NFE2L3: variants seen among roughly 807,000 people sequenced by gnomAD.
The protein encoded by NFE2L3 is NFE2 like bZIP transcription factor 3, also known as nuclear factor erythroid 2-related factor 3.
In NFE2L3, 18 loss-of-function variants were observed where a neutral mutation model predicts 23.5. That is an observed-to-expected ratio of 0.77 (90% CI 0.53 to 1.13). The LOEUF (loss-of-function observed/expected upper bound fraction) is 1.13, where lower values mean the gene tolerates loss of function less well. Ranked by LOEUF, NFE2L3 falls within the 50% of genes most tolerant of loss-of-function variation. The pLI, the probability that NFE2L3 is intolerant of heterozygous loss-of-function variation, is 0.00. For synonymous variants in NFE2L3, 424 were observed against 354.5 expected, an observed-to-expected ratio of 1.20 and a Z score of -2.20; for missense variants, 1,152 against 877.2, an observed-to-expected ratio of 1.31 and a Z score of -3.96.
At chr7:26,163,464 A>G (rs1051027689) in intron 1 of NFE2L3, among the ~76,000 whole-genome samples, 6 of 152,126 alleles carry the variant, frequency 3.9e-5, no homozygotes. Context: ...CTCCTGCCTC[A>G]GCCTCCCAAG....
Position 26,185,874 on chromosome 7 carries a change from T to C in NFE2L3, c.*91T>C, listed in dbSNP as rs539397554. ...GAAACCATTGAAACTGCTTCAAGAA[T>C]TGTATCTTTAAGTACTGCTACTTGA... On this transcript the variant is annotated 3_prime_UTR_variant, in exon 4 of 4. Coordinates refer to ENST00000056233, the MANE Select transcript of NFE2L3 (RefSeq NM_004289.7). The C allele has an allele frequency of 9.1e-7, 1 of 1,093,850 alleles. No individual in the cohort carries two copies. Among genetic ancestry groups the C allele is most frequent in the African/African-American group, 1.6e-5 (1 of 62,698 alleles). The allele number at this position is 1,093,850 out of a possible 1,614,324, so 67.8% of individuals were successfully genotyped here. A position where few individuals can be genotyped will look rare whatever the true frequency, so the allele number is the denominator to read the frequency against.
chr7:26,178,103 C>CCACTGAATCTAGAAA lies in NFE2L3; in HGVS notation c.732_746dup (p.Thr245_Asn249dup), dbSNP rs1784446548. On this transcript the variant is annotated inframe_insertion, in exon 2 of 4. Coordinates refer to ENST00000056233, the MANE Select transcript of NFE2L3 (RefSeq NM_004289.7). ...AAACCTGACTGGGAGGCAGAAAAGA[C>CCACTGAATCTAGAAA]CACTGAATCTAGAAATGAGGTAAGC... 6.2e-7 allele frequency: 1 copy of CCACTGAATCTAGAAA among 1,613,132 alleles called. No homozygotes were observed. The highest frequency in any genetic ancestry group is 8.5e-7 in the Non-Finnish European group (1 of 1,179,726).
chr7:26,182,711 G>C (rs996442642), intron 2 of NFE2L3, among the ~76,000 whole-genome samples: 3 of 151,794 alleles, frequency 2.0e-5, no homozygotes, highest in Non-Finnish European at 4.4e-5. Context: ...ACTAGAAAGA[G>C]GCTAAAGCAT....
Position 26,176,704 on chromosome 7 carries a change from A to G in NFE2L3, c.571-1239A>G, listed in dbSNP as rs1273230093. On this transcript the variant is annotated intron_variant, in intron 1 of 3. Transcript: ENST00000056233. Reference sequence around the variant, plus strand: ...TCCTCACTTCCCAGACGGGGTGGCCAGGCAGAGGCGCTCCTCACATCCCAG... The same window carrying G: ...TCCTCACTTCCCAGACGGGGTGGCCGGGCAGAGGCGCTCCTCACATCCCAG... Among the ~76,000 whole-genome samples, 195 of 35,416 alleles carry G rather than the reference A, an allele frequency of 5.5e-3. 9 individuals are homozygous for G. Among genetic ancestry groups the G allele is most frequent in the Middle Eastern group, 0.032 (2 of 62 alleles). 23.2% of individuals were successfully genotyped at this position (35,416 alleles called of 152,430 possible). A position where few individuals can be genotyped will look rare whatever the true frequency, so the allele number is the denominator to read the frequency against.
At chr7:26,171,781 A>G (rs1390269656) in intron 1 of NFE2L3, among the ~76,000 whole-genome samples, 1 of 152,066 alleles carries the variant, frequency 6.6e-6, no homozygotes, top group Non-Finnish European at 1.5e-5. Flanking sequence ...CTATAATCCC[A>G]GTGTTTTGGG....
At chr7:26,183,636 A>AAGCCTT in intron 2 of NFE2L3, 65 bp from the exon 3 acceptor site, 1 of 950,890 alleles carries the variant, frequency 1.1e-6, no homozygotes, top group South Asian at 1.4e-5. Flanking sequence ...TTTAAAGATA[A>AAGCCTT]AGCCTAAAGC....
In NFE2L3 at chr7:26,186,031, C is replaced by T; in HGVS notation, c.*248C>T. 1 of 340,014 alleles carries T rather than the reference C, an allele frequency of 2.9e-6. No individual in the cohort carries two copies. Among genetic ancestry groups the T allele is most frequent in the Middle Eastern group, 8.3e-4 (1 of 1,200 alleles). The allele number at this position is 340,014 out of a possible 1,614,324, so 21.1% of individuals were successfully genotyped here. A position where few individuals can be genotyped will look rare whatever the true frequency, so the allele number is the denominator to read the frequency against. On this transcript the variant is annotated 3_prime_UTR_variant, in exon 4 of 4. Coordinates refer to ENST00000056233, the MANE Select transcript of NFE2L3 (RefSeq NM_004289.7). Reference sequence around the variant, plus strand: ...TGTATACAAAATTCATAGTTATGTCCAAAGAATAGGTTAACATGAAAACCC... The same window carrying T: ...TGTATACAAAATTCATAGTTATGTCTAAAGAATAGGTTAACATGAAAACCC...
At chr7:26,159,276 C>A (rs1444660431) in intron 1 of NFE2L3, among the ~76,000 whole-genome samples, 4 of 152,182 alleles carry the variant, frequency 2.6e-5, no homozygotes, top group Admixed American at 2.6e-4. Context: ...TCTGTTCTTA[C>A]CTTTGCCCGG....
chr7:26,173,711 A>G (rs1784358541), intron 1 of NFE2L3: 1 of 152,224 alleles, frequency 6.6e-6, no homozygotes. Context: ...GATCTCTATC[A>G]AAGTCTTAGG....
chr7:26,165,017 T>C (rs1784227101), intron 1 of NFE2L3, among the ~76,000 whole-genome samples: 1 of 152,238 alleles, frequency 6.6e-6, no homozygotes, highest in Non-Finnish European at 1.5e-5. Flanking sequence ...TATCTCTGTT[T>C]TGGTACCAGT....
chr7:26,183,445 G>A (rs903064611), intron 2 of NFE2L3, among the ~76,000 whole-genome samples: 2 of 143,774 alleles, frequency 1.4e-5, no homozygotes, highest in African/African-American at 5.0e-5. Context: ...CTACTCCGGA[G>A]GCTAAGGCAG....
intron 2 of NFE2L3, among the ~76,000 whole-genome samples, chr7:26,182,958 C>CTAATT (rs1365629465): frequency 6.6e-6 from 1 of 152,088 alleles, no homozygotes; most frequent in African/African-American, 2.4e-5. Flanking sequence ...CCACACCCAG[C>CTAATT]TAATTTAATT....
At chr7:26,182,273 AAACATTAAACC>A (rs1784530174) in intron 2 of NFE2L3, among the ~76,000 whole-genome samples, 1 of 151,774 alleles carries the variant, frequency 6.6e-6, no homozygotes, top group Non-Finnish European at 1.5e-5. Context: ...TACTGAGGGA[AAACATTAAACC>A]TTATATTTTT....
At chr7:26,175,622 A>T (rs1441215845) in intron 1 of NFE2L3, among the ~76,000 whole-genome samples, 2 of 151,500 alleles carry the variant, frequency 1.3e-5, no homozygotes, top group African/African-American at 4.8e-5. Flanking sequence ...CTAAAAATAC[A>T]ACAAAAATTA....
rs567526937 is a variant in NFE2L3 at position 26,154,543 on chromosome 7, G to C, written c.570+1475G>C. On this transcript the variant is annotated intron_variant, in intron 1 of 3. Coordinates refer to ENST00000056233, the MANE Select transcript of NFE2L3 (RefSeq NM_004289.7). ...TGGGAGACAAAGTGGCCTTCCCTTG[G>C]CTGTTTTTTTGTTTGTTTTGTTTTA... 3.4e-4 allele frequency among the ~76,000 whole-genome samples: 52 copies of C among 152,188 alleles called. 1 individual carries two copies. The highest frequency in any genetic ancestry group is 1.3e-3 in the African/African-American group (52 of 41,504).
In NFE2L3 at chr7:26,185,519, AGAT is replaced by A. The variant is rs760146146; in HGVS notation, c.1826_1828del (p.Asp609del). ...AATTGGACATAATTTTGAATTTAGA[AGAT>A]GATGTATGTAACTTGCAAGCAAAGA... On this transcript the variant is annotated inframe_deletion, in exon 4 of 4. Coordinates refer to ENST00000056233, the MANE Select transcript of NFE2L3 (RefSeq NM_004289.7). 8.7e-6 allele frequency: 14 copies of A among 1,613,828 alleles called. No homozygotes were observed. The highest frequency in any genetic ancestry group is 6.7e-5 in the East Asian group (3 of 44,896).
In NFE2L3 at chr7:26,183,737, G is replaced by C. The variant is rs1473011240; in HGVS notation, c.787G>C (p.Glu263Gln). ...LNGTDTSFSL[E>Q]DLFQLLSSQP... is the part of the protein sequence containing the mutation. ...TGGGACAGATACTTCTTTCTCTCTG[G>C]AAGACTTATTCCAGTTGCTTTCATC... Residue 263 changes from glutamate to glutamine, a missense_variant, in exon 3 of 4, where the codon GAA (glutamate) becomes CAA (glutamine). Glu to Gln is a conservative substitution (Grantham distance 29, BLOSUM62 2). Transcript: ENST00000056233. 3.7e-6 allele frequency: 6 copies of C among 1,612,728 alleles called. No individual in the cohort carries two copies. The highest frequency in any genetic ancestry group is 5.1e-6 in the Non-Finnish European group (6 of 1,178,840).
chr7:26,183,805 T>C (rs765674117), intron 3 of NFE2L3, 21 bp downstream of exon 3: 2 of 1,535,742 alleles, frequency 1.3e-6, no homozygotes, highest in Non-Finnish European at 9.0e-7. Flanking sequence ...CTTTGGCTTT[T>C]ATCCTCGCAG....
At position 26,184,796 on chromosome 7, in the gene NFE2L3, A is replaced by G. The variant is rs113762202; in HGVS notation, c.1098A>G (p.Ser366=). Reference sequence around the variant, plus strand: ...GAACTAATTTGACAGGATTTCTTTCACCGGTTGACAATCATATGAGGAATC... The same window carrying G: ...GAACTAATTTGACAGGATTTCTTTCGCCGGTTGACAATCATATGAGGAATC... The part of the protein sequence containing the change: ...LPGTNLTGFL[S]PVDNHMRNLT... The change falls in exon 4 of 4, where the codon TCA becomes TCG. Residue 366 remains serine (S), a synonymous_variant. Transcript: ENST00000056233. 31 of 1,613,826 alleles carry G rather than the reference A, an allele frequency of 1.9e-5. No homozygotes were observed. The highest frequency in any genetic ancestry group is 1.9e-4 in the African/African-American group (14 of 74,980).
Sources: gnomAD v4.1 joint callset for allele counts (sites outside exome capture counted in the v4.1 genomes callset) on GRCh38, gnomAD v4.1.1 for gene constraint, MANE v1.5 for transcripts, NCBI Gene and HGNC (gene_info 2026-07-23, HGNC 2026-07-21) for gene names.